The following PCDH11Y variants were observed in gnomAD, a reference collection of about 807,000 sequenced individuals.
PCDH11Y encodes protocadherin 11 Y-linked.
For missense variants in PCDH11Y, 12 were observed against 224.8 expected (o/e 0.05, Z 6.05); for synonymous variants, 9 against 83.6 (o/e 0.11, Z 4.87).
At chrY:5,597,393 A>G in intron 4 of PCDH11Y, among the ~76,000 whole-genome samples, 1 of 27,484 alleles carries the variant, frequency 3.6e-5, no homozygotes, top group Non-Finnish European at 8.4e-5. Flanking sequence ...ATGTGTGTGT[A>G]TATATATATA....
intron 3 of PCDH11Y, among the ~76,000 whole-genome samples, chrY:5,559,178 C>T: frequency 3.0e-5 from 1 of 32,909 alleles, no homozygotes; most frequent in Non-Finnish European, 7.5e-5. Flanking sequence ...AATTTAACCT[C>T]ATATTATTGG....
chrY:5,533,944 T>C, intron 3 of PCDH11Y, among the ~76,000 whole-genome samples: 1 of 33,442 alleles, frequency 3.0e-5, no homozygotes, highest in Non-Finnish European at 7.4e-5. Context: ...TTTATCATGG[T>C]TGGGGGTTGC....
In PCDH11Y at chrY:5,001,177, G is replaced by C. The variant is rs2124616722; in HGVS notation, c.-134+572G>C. Among the ~76,000 whole-genome samples the C allele has an allele frequency of 9.0e-5, 3 of 33,282 alleles. No homozygotes were observed. In the South Asian group the frequency reaches 2.0e-3, roughly 23 times the overall value. 89.3% of individuals were successfully genotyped at this position (33,282 alleles called of 37,273 possible). A position where few individuals can be genotyped will look rare whatever the true frequency, so the allele number is the denominator to read the frequency against. Reference sequence around the variant, plus strand: ...CCCTTGGCGCAGAGAGGAGGGCCAGGAGCGCACAGGGTTCCCGGTGCTGTT... The same window carrying C: ...CCCTTGGCGCAGAGAGGAGGGCCAGCAGCGCACAGGGTTCCCGGTGCTGTT... On this transcript the variant is annotated intron_variant, in intron 1 of 5. Transcript: ENST00000333703.
At chrY:5,585,444 T>G in intron 4 of PCDH11Y, among the ~76,000 whole-genome samples, 1 of 33,373 alleles carries the variant, frequency 3.0e-5, no homozygotes, top group Admixed American at 2.8e-4. Flanking sequence ...TTTTTTTCTT[T>G]GTAATTTTTT....
chrY:5,341,991 A>G (rs2053146156), intron 2 of PCDH11Y, among the ~76,000 whole-genome samples: 1 of 31,781 alleles, frequency 3.1e-5, no homozygotes, highest in Admixed American at 3.0e-4. Flanking sequence ...ATATTCACGC[A>G]AATACTCTCT....
chrY:5,063,956 C>T (rs2052680389), intron 1 of PCDH11Y, among the ~76,000 whole-genome samples: 4 of 32,731 alleles, frequency 1.2e-4, no homozygotes, highest in African/African-American at 4.6e-4. Flanking sequence ...ATAAAAATAT[C>T]GCTAGTTATC....
intron 3 of PCDH11Y, among the ~76,000 whole-genome samples, chrY:5,035,789 T>G: frequency 3.1e-5 from 1 of 32,333 alleles, no homozygotes; most frequent in South Asian, 6.9e-4. Context: ...TATGAAGGGT[T>G]ATAAAATTTT....
intron 2 of PCDH11Y, among the ~76,000 whole-genome samples, chrY:5,200,438 A>T: frequency 5.8e-4 from 19 of 32,697 alleles, no homozygotes; most frequent in African/African-American, 2.0e-3. Flanking sequence ...CACTGCCCAC[A>T]TGTAGACAGA....
intron 2 of PCDH11Y, among the ~76,000 whole-genome samples, chrY:5,290,479 TTTGG>T: frequency 6.2e-5 from 2 of 32,520 alleles, no homozygotes; most frequent in Non-Finnish European, 1.5e-4. Flanking sequence ...TCCATTTTGC[TTTGG>T]TTGCCTGTGC....
intron 2 of PCDH11Y, among the ~76,000 whole-genome samples, chrY:5,243,494 A>G: frequency 3.6e-5 from 1 of 27,817 alleles, no homozygotes; most frequent in Non-Finnish European, 7.4e-5. Context: ...TCCAGGAGCT[A>G]CAGATTTTTT....
At chrY:5,148,945 A>G (rs1602876525) in intron 2 of PCDH11Y, among the ~76,000 whole-genome samples, 265 of 32,858 alleles carry the variant, frequency 8.1e-3, no homozygotes, top group African/African-American at 0.03. Context: ...TGTATTGAAA[A>G]GCTGACTTGG....
intron 2 of PCDH11Y, among the ~76,000 whole-genome samples, chrY:5,305,328 C>G: frequency 3.0e-5 from 1 of 33,113 alleles, no homozygotes. Context: ...AAATGAAGAC[C>G]CAAAGACCCT....
intron 2 of PCDH11Y, among the ~76,000 whole-genome samples, chrY:5,214,074 C>A: frequency 3.1e-5 from 1 of 32,355 alleles, no homozygotes; most frequent in African/African-American, 1.2e-4. Flanking sequence ...GAGCCCAGAT[C>A]GTGCCACCAC....
At chrY:5,740,822 A>G (rs2124716815) in exon 5 of PCDH11Y, 1 of 33,863 alleles carries the variant, frequency 3.0e-5, no homozygotes, top group East Asian at 7.8e-4. Flanking sequence ...GTTTGATTTG[A>G]AATTAAAACT....
At chrY:5,070,656 T>C (rs2052698333) in intron 1 of PCDH11Y, among the ~76,000 whole-genome samples, 1 of 33,411 alleles carries the variant, frequency 3.0e-5, no homozygotes, top group African/African-American at 1.2e-4. Context: ...AAATTACTTA[T>C]TATTAGGTTC....
intron 2 of PCDH11Y, among the ~76,000 whole-genome samples, chrY:5,475,544 G>A (rs2053317892): frequency 3.2e-5 from 1 of 31,409 alleles, no homozygotes; most frequent in African/African-American, 1.2e-4. Context: ...GTCTCGGTGT[G>A]TAACCTTTTT....
chrY:5,249,451 A>G, intron 2 of PCDH11Y, among the ~76,000 whole-genome samples: 1 of 32,121 alleles, frequency 3.1e-5, no homozygotes, highest in Non-Finnish European at 7.6e-5. Context: ...CAACCATCTG[A>G]TCTTTGATGA....
chrY:5,449,423 G>A (rs2053291035), intron 2 of PCDH11Y, among the ~76,000 whole-genome samples: 1 of 32,663 alleles, frequency 3.1e-5, no homozygotes, highest in Non-Finnish European at 7.5e-5. Flanking sequence ...TTTAGACCTC[G>A]AGTGACTCTT....
intron 2 of PCDH11Y, among the ~76,000 whole-genome samples, chrY:5,230,154 T>C: frequency 3.0e-5 from 1 of 33,850 alleles, no homozygotes; most frequent in Non-Finnish European, 7.3e-5. Flanking sequence ...TTTGCTTTTC[T>C]GCTTAAGATA....
Sources: gnomAD v4.1 joint callset for allele counts (sites outside exome capture counted in the v4.1 genomes callset) on GRCh38, gnomAD v4.1.1 for gene constraint, MANE v1.5 for transcripts, NCBI Gene and HGNC (gene_info 2026-07-23, HGNC 2026-07-21) for gene names.